TG: variants seen among roughly 807,000 people sequenced by gnomAD.
The protein encoded by TG is thyroglobulin, also known as thyroid hormones.
In TG, 270 loss-of-function variants were observed where a neutral mutation model predicts 324.7. The observed-to-expected ratio is 0.83, with a 90% CI of 0.75 to 0.92. TG has a LOEUF of 0.92. TG is among the 40% of genes least tolerant of loss of function. TG has a pLI of 0.00. For synonymous variants in TG, 1,401 were observed against 1,327.0 expected (o/e 1.06, Z -1.21); for missense variants, 3,591 against 3,456.4 (o/e 1.04, Z -0.98).
intron 35 of TG, chr8:133,003,097 G>T: frequency 1.0e-6 from 1 of 1,002,426 alleles, no homozygotes; most frequent in South Asian, 3.7e-5. Context: ...ACTGGAAGAT[G>T]GTGGTTCCAG....
At chr8:132,981,847 A>G (rs1476036306) in intron 34 of TG, among the ~76,000 whole-genome samples, 1 of 152,150 alleles carries the variant, frequency 6.6e-6, no homozygotes, top group Non-Finnish European at 1.5e-5. Context: ...TGCCAAGGGG[A>G]AAAGACATAA....
intron 44 of TG, among the ~76,000 whole-genome samples, chr8:133,113,856 T>C (rs994978009): frequency 1.3e-5 from 2 of 152,146 alleles, no homozygotes; most frequent in Non-Finnish European, 2.9e-5. Context: ...TGGCTCTTCC[T>C]GGGCCATGAG....
intron 43 of TG, among the ~76,000 whole-genome samples, chr8:133,099,946 G>C (rs1848998819): frequency 6.6e-6 from 1 of 152,150 alleles, no homozygotes; most frequent in African/African-American, 2.4e-5. Flanking sequence ...ACAGTAGCCA[G>C]AGCAATCCCT....
At chr8:132,909,981 C>T (rs1374964132) in intron 18 of TG, among the ~76,000 whole-genome samples, 1 of 152,164 alleles carries the variant, frequency 6.6e-6, no homozygotes, top group East Asian at 1.9e-4. Context: ...ATTAAACTAG[C>T]TAATATGTTT....
chr8:132,990,820 G>A (rs1292566475), intron 35 of TG, among the ~76,000 whole-genome samples: 1 of 151,976 alleles, frequency 6.6e-6, no homozygotes, highest in Non-Finnish European at 1.5e-5. Flanking sequence ...ACTCAACCCG[G>A]ATGTAAACCC....
chr8:132,940,074 A>AATT (rs1824224601), intron 25 of TG, among the ~76,000 whole-genome samples: 1 of 152,054 alleles, frequency 6.6e-6, no homozygotes, highest in African/African-American at 2.4e-5. Flanking sequence ...GGATCCAAGG[A>AATT]ATTAGGGACT....
chr8:133,088,698 T>G (rs1847003887), intron 41 of TG, among the ~76,000 whole-genome samples: 1 of 152,210 alleles, frequency 6.6e-6, no homozygotes, highest in Non-Finnish European at 1.5e-5. Context: ...CTTCTTCAAA[T>G]CCTACATTTC....
chr8:132,975,914 A>G (rs1830117643), intron 34 of TG, among the ~76,000 whole-genome samples: 1 of 152,182 alleles, frequency 6.6e-6, no homozygotes, highest in Admixed American at 6.5e-5. Flanking sequence ...TAAATACAAC[A>G]TTCTTGTGCT....
chr8:133,044,000 C>T (rs1337223889), intron 41 of TG, among the ~76,000 whole-genome samples: 5 of 152,192 alleles, frequency 3.3e-5, no homozygotes, highest in African/African-American at 7.2e-5. Flanking sequence ...GCACCCTCCC[C>T]ACTTTCCATG....
intron 3 of TG, among the ~76,000 whole-genome samples, 158 bp downstream of exon 3, chr8:132,869,984 G>A (rs374709914): frequency 6.6e-6 from 1 of 152,146 alleles, no homozygotes; most frequent in East Asian, 1.9e-4. Flanking sequence ...GCCATGGAAG[G>A]CCCTATTTCC....
intron 26 of TG, among the ~76,000 whole-genome samples, chr8:132,946,391 C>T (rs1825297767): frequency 6.6e-6 from 1 of 152,174 alleles, no homozygotes; most frequent in Non-Finnish European, 1.5e-5. Flanking sequence ...ACTAAACACT[C>T]ACCTCGCAGT....
At position 133,091,105 on chromosome 8, in the gene TG, C is replaced by T. The variant is rs16904826; in HGVS notation, c.7240-3939C>T. Among the ~76,000 whole-genome samples the T allele has an allele frequency of 4.5e-3, 689 of 152,338 alleles. 4 individuals are homozygous for T. The highest frequency in any genetic ancestry group is 0.016 in the African/African-American group (657 of 41,578). ...TCTGAGAGGTAGGTGAGCTTCTACACGTACAGCCCACATTCAATGCCAGGC... is the reference window on the plus strand; with the variant it reads ...TCTGAGAGGTAGGTGAGCTTCTACATGTACAGCCCACATTCAATGCCAGGC... On this transcript the variant is annotated intron_variant, in intron 41 of 47. Transcript: ENST00000220616.
intron 5 of TG, among the ~76,000 whole-genome samples, chr8:132,874,414 G>T (rs922894742): frequency 3.9e-5 from 6 of 152,142 alleles, no homozygotes; most frequent in Non-Finnish European, 7.4e-5. Context: ...ACTGGCCACT[G>T]GTTTCTTGTA....
chr8:133,121,892 A>C (rs1318672132), intron 45 of TG, among the ~76,000 whole-genome samples: 1 of 152,156 alleles, frequency 6.6e-6, no homozygotes, highest in African/African-American at 2.4e-5. Context: ...GAATCAATGA[A>C]TGACTCACAG....
intron 41 of TG, among the ~76,000 whole-genome samples, chr8:133,043,899 C>T (rs767111688): frequency 1.4e-4 from 21 of 152,318 alleles, no homozygotes; most frequent in Non-Finnish European, 2.9e-4. Flanking sequence ...TTCTTTCCTC[C>T]CTCCAATATG....
intron 41 of TG, among the ~76,000 whole-genome samples, chr8:133,062,203 T>C (rs557712191): frequency 6.6e-6 from 1 of 152,268 alleles, no homozygotes; most frequent in Non-Finnish European, 1.5e-5. Context: ...TCTTCATGCT[T>C]GCCCCTACCC....
rs765477121 is a variant in TG, at chr8:133,029,949, G to C, written c.7165G>C (p.Ala2389Pro). The C allele has an allele frequency of 6.2e-6, 10 of 1,614,256 alleles. No individual in the cohort carries two copies. Among genetic ancestry groups the C allele is most frequent in the Non-Finnish European group, 8.5e-6 (10 of 1,180,048 alleles). Residue 2389 changes from alanine (A) to proline (P), a missense_variant, in exon 41 of 48, where the codon GCT becomes CCT. Physicochemically the swap from Ala to Pro is conservative, Grantham distance 27 (BLOSUM62 -1). Transcript: ENST00000220616. ...RVSLAADRGGADVASIHLLTA... is the reference protein window; with the variant it reads ...RVSLAADRGGPDVASIHLLTA... ...GTCCCTGGCAGCAGACCGTGGCGGG[G>C]CTGATGTGGCCAGCATCCACCTTCT... is the stretch of plus-strand genomic sequence containing the variant.
chr8:133,106,956 C>T (rs1666792368), intron 43 of TG, among the ~76,000 whole-genome samples: 1 of 152,202 alleles, frequency 6.6e-6, no homozygotes, highest in Non-Finnish European at 1.5e-5. Context: ...CATGTGTTCT[C>T]ATCGTGTCTC....
At chr8:132,931,703 TG>T (rs1209294036) in intron 23 of TG, among the ~76,000 whole-genome samples, 1 of 152,162 alleles carries the variant, frequency 6.6e-6, no homozygotes, top group Non-Finnish European at 1.5e-5. Flanking sequence ...AATTTGTCCC[TG>T]AGCCCGAAGC....
Sources: gnomAD v4.1 joint callset for allele counts (sites outside exome capture counted in the v4.1 genomes callset) on GRCh38, gnomAD v4.1.1 for gene constraint, MANE v1.5 for transcripts, NCBI Gene and HGNC (gene_info 2026-07-23, HGNC 2026-07-21) for gene names.